The following ASPRV1 variants were observed in gnomAD, a reference collection of about 807,000 sequenced individuals.
ASPRV1 encodes the protein retroviral-like aspartic protease 1.
ASPRV1 carries 7 observed loss-of-function variants against 11.0 expected under a neutral mutation model. The observed-to-expected ratio is 0.64, with a 90% CI of 0.36 to 1.20. The LOEUF (loss-of-function observed/expected upper bound fraction) is 1.20. ASPRV1 is among the 50% of genes most tolerant of loss of function. The pLI, the probability that ASPRV1 is intolerant of heterozygous loss-of-function variation, is 0.02. For synonymous variants in ASPRV1, 136 were observed against 138.4 expected (o/e 0.98, Z 0.12); for missense variants, 299 against 320.0 (o/e 0.93, Z 0.50).
At chr2:69,966,491 C>T (rs77959950), upstream of ASPRV1, among the ~76,000 whole-genome samples, 1,286 of 152,382 alleles carry the variant, frequency 8.4e-3, 17 homozygotes, top group African/African-American at 0.029. Flanking sequence ...TCAGGGTCCC[C>T]TCTGCTTAAC....
chr2:70,063,765 C>T, the ASPRV1 span: 2 of 152,178 alleles, frequency 1.3e-5, no homozygotes, highest in African/African-American at 4.8e-5. Context: ...TGTCAACTAT[C>T]TGATCCTTTC....
chr2:69,937,089 C>G, the ASPRV1 span: 58 of 1,068,158 alleles, frequency 5.4e-5, no homozygotes, highest in African/African-American at 8.2e-4. Flanking sequence ...AGTCGACTTC[C>G]TGTCTCAGGG....
At chr2:69,955,659 T>C (rs1677920827), downstream of ASPRV1, among the ~76,000 whole-genome samples, 1 of 152,154 alleles carries the variant, frequency 6.6e-6, no homozygotes, top group African/African-American at 2.4e-5. Context: ...TTTTGTAGCT[T>C]GTAAGCGTGA....
chr2:69,960,778 G>A lies in ASPRV1; in HGVS notation c.659C>T (p.Thr220Ile). ...AILDFEHRTC[T>I]LKGKKFRLLP... ...AAGGCGAAACTTCTTCCCTTTCAGGGTGCATGTGCGGTGCTCAAAGTCCAG... is the reference window on the plus strand; with the variant it reads ...AAGGCGAAACTTCTTCCCTTTCAGGATGCATGTGCGGTGCTCAAAGTCCAG... The change falls in exon 1 of 1, where the codon ACC becomes ATC. Residue 220 changes from threonine (T) to isoleucine (I), a missense_variant. Thr to Ile is a moderately conservative substitution (Grantham distance 89). Coordinates refer to ENST00000320256, the MANE Select transcript of ASPRV1 (RefSeq NM_152792.4). 1 of 1,614,082 alleles carries A rather than the reference G, an allele frequency of 6.2e-7. No individual in the cohort carries two copies. The highest frequency in any genetic ancestry group is 1.3e-5 in the African/African-American group (1 of 74,990).
the ASPRV1 span, among the ~76,000 whole-genome samples, chr2:69,984,942 T>C: frequency 6.6e-6 from 1 of 151,644 alleles, no homozygotes; most frequent in African/African-American, 2.4e-5. Context: ...CTGCAAGCTC[T>C]GTCTCCCAGG....
chr2:70,072,857 G>C, the ASPRV1 span, among the ~76,000 whole-genome samples: 3 of 146,748 alleles, frequency 2.0e-5, no homozygotes, highest in Non-Finnish European at 1.5e-5. Flanking sequence ...TTCGAGACCA[G>C]TCTGAACAAT....
chr2:69,939,038 C>T, the ASPRV1 span: 1 of 152,574 alleles, frequency 6.6e-6, no homozygotes, highest in African/African-American at 2.4e-5. Flanking sequence ...GGCACATTCT[C>T]CCCTCCAACT....
chr2:70,045,309 TTC>T, the ASPRV1 span: 1 of 152,242 alleles, frequency 6.6e-6, no homozygotes, highest in African/African-American at 2.4e-5. Flanking sequence ...GTTACATAAC[TTC>T]TTTGACTTTC....
chr2:70,019,760 G>A, the ASPRV1 span, among the ~76,000 whole-genome samples: 3 of 152,124 alleles, frequency 2.0e-5, no homozygotes, highest in Non-Finnish European at 2.9e-5. Context: ...AGAGGGTGGC[G>A]GGTGGGGAGA....
At chr2:70,058,853 G>GA in the ASPRV1 span, among the ~76,000 whole-genome samples, 1 of 143,656 alleles carries the variant, frequency 7.0e-6, no homozygotes, top group Non-Finnish European at 1.5e-5. Context: ...CACCTGGCCA[G>GA]AAATTTTTTT....
chr2:69,987,876 G>A, the ASPRV1 span, among the ~76,000 whole-genome samples: 6 of 152,332 alleles, frequency 3.9e-5, no homozygotes, highest in African/African-American at 1.4e-4. Context: ...GTAGGAGAGT[G>A]CCCAGGTACA....
At chr2:70,018,313 G>A in the ASPRV1 span, among the ~76,000 whole-genome samples, 8 of 151,976 alleles carry the variant, frequency 5.3e-5, no homozygotes, top group South Asian at 2.1e-4. Flanking sequence ...CTGTGTCCAC[G>A]GTTTGGAAGA....
chr2:70,086,894 G>A, the ASPRV1 span: 2 of 152,272 alleles, frequency 1.3e-5, no homozygotes, highest in South Asian at 2.1e-4. Context: ...GCCGCCGCCG[G>A]GGAGCAGGAG....
the ASPRV1 span, chr2:70,087,208 T>C: frequency 6.6e-6 from 1 of 152,130 alleles, no homozygotes; most frequent in Admixed American, 6.5e-5. Context: ...ACAGCACTAG[T>C]ATTTTCAGTC....
At chr2:69,996,357 A>C in the ASPRV1 span, among the ~76,000 whole-genome samples, 4 of 151,822 alleles carry the variant, frequency 2.6e-5, no homozygotes, top group African/African-American at 7.3e-5. Flanking sequence ...ACAGCACTGC[A>C]CTCCAGCGTG....
At chr2:70,083,531 A>G in the ASPRV1 span, 1 of 152,270 alleles carries the variant, frequency 6.6e-6, no homozygotes, top group East Asian at 1.9e-4. Flanking sequence ...TAAACCCCTC[A>G]ACCAACCTGT....
chr2:70,048,186 C>T, the ASPRV1 span, among the ~76,000 whole-genome samples: 12 of 147,956 alleles, frequency 8.1e-5, no homozygotes, highest in Non-Finnish European at 1.5e-4. Context: ...GAGGCCGAGG[C>T]GGGCAGATCA....
the ASPRV1 span, among the ~76,000 whole-genome samples, chr2:70,081,958 AG>A: frequency 1.3e-5 from 2 of 151,930 alleles, no homozygotes; most frequent in African/African-American, 4.8e-5. Context: ...TAAAAAAAAA[AG>A]CTACGTTAGT....
At chr2:69,948,216 C>T in the ASPRV1 span, among the ~76,000 whole-genome samples, 3 of 152,290 alleles carry the variant, frequency 2.0e-5, no homozygotes, top group Non-Finnish European at 2.9e-5. Flanking sequence ...CCACCGCACT[C>T]CAGCCCGGGC....
Sources: allele counts gnomAD v4.1 joint callset (sites outside exome capture counted in the v4.1 genomes callset), GRCh38; gene constraint gnomAD v4.1.1; transcripts MANE v1.5; gene names NCBI Gene and HGNC (gene_info 2026-07-23, HGNC 2026-07-21).